The following GPHN variants were observed in gnomAD, a reference collection of about 807,000 sequenced individuals.
GPHN encodes the protein gephyrin.
A neutral mutation model predicts 95.5 loss-of-function variants in GPHN; 17 were observed. The observed-to-expected ratio is 0.18, with a 90% CI of 0.12 to 0.27. The LOEUF (loss-of-function observed/expected upper bound fraction) is 0.27. Among genes scored for constraint, GPHN ranks in the 10% least tolerant of loss-of-function variants. The pLI is 1.00. For missense variants in GPHN, 660 were observed against 978.1 expected (o/e 0.67, Z 4.34); for synonymous variants, 320 against 322.5 (o/e 0.99, Z 0.08).
At position 66,798,548 on chromosome 14, in the gene GPHN, A is replaced by G. The variant is rs144061463; in HGVS notation, c.201+22027A>G. Among the ~76,000 whole-genome samples the G allele has an allele frequency of 1.5e-3, 228 of 151,938 alleles. 1 individual carries two copies. The highest frequency in any genetic ancestry group is 5.1e-3 in the African/African-American group (213 of 41,534). ...ATGTTTCAACCATGTTAGGTTATACATATCTAGGAATTTGTCCATTTCTAC... is the reference window on the plus strand; with the variant it reads ...ATGTTTCAACCATGTTAGGTTATACGTATCTAGGAATTTGTCCATTTCTAC... On this transcript the variant is annotated intron_variant, in intron 3 of 22. Transcript: ENST00000478722.
chr14:67,688,096 C>T, the GPHN span, among the ~76,000 whole-genome samples: 47 of 152,102 alleles, frequency 3.1e-4, no homozygotes, highest in East Asian at 8.5e-3. Flanking sequence ...TCTATCAGTA[C>T]CTCTAATCCA....
At chr14:66,558,499 C>T (rs2060097241) in intron 1 of GPHN, among the ~76,000 whole-genome samples, 2 of 152,070 alleles carry the variant, frequency 1.3e-5, no homozygotes, top group South Asian at 2.1e-4. Context: ...TAATGATATT[C>T]ATCAAACCCC....
At chr14:67,144,286 T>TATATAC (rs1421893686) in intron 18 of GPHN, among the ~76,000 whole-genome samples, 1,149 of 78,092 alleles carry the variant, frequency 0.015, 212 homozygotes, top group African/African-American at 0.067. Flanking sequence ...TATATATATA[T>TATATAC]ACACACACAC....
intron 10 of GPHN, among the ~76,000 whole-genome samples, chr14:67,057,437 T>A (rs1369193441): frequency 6.8e-6 from 1 of 146,054 alleles, no homozygotes; most frequent in Non-Finnish European, 1.5e-5. Context: ...ACACACTGGG[T>A]CCTGTCAGAG....
At chr14:66,585,206 T>C (rs1222238635) in intron 1 of GPHN, among the ~76,000 whole-genome samples, 1 of 152,172 alleles carries the variant, frequency 6.6e-6, no homozygotes, top group Non-Finnish European at 1.5e-5. Context: ...CTGATGGTAG[T>C]TTGTATTTCT....
chr14:67,294,618 C>G, the GPHN span: 1 of 151,678 alleles, frequency 6.6e-6, no homozygotes, highest in Non-Finnish European at 1.5e-5. Context: ...TAGATTAAAT[C>G]TTTGATGATC....
chr14:67,332,257 A>G, the GPHN span, among the ~76,000 whole-genome samples: 2 of 152,150 alleles, frequency 1.3e-5, no homozygotes, highest in African/African-American at 2.4e-5. Flanking sequence ...TTCAGTCAGT[A>G]TTTTAAAGTA....
At chr14:67,379,639 T>G in the GPHN span, among the ~76,000 whole-genome samples, 1 of 146,042 alleles carries the variant, frequency 6.8e-6, no homozygotes, top group Non-Finnish European at 1.5e-5. Context: ...GACATAACTT[T>G]CTTTTTTTCT....
chr14:66,696,012 GATA>G (rs2068078382), intron 2 of GPHN, among the ~76,000 whole-genome samples: 1 of 152,200 alleles, frequency 6.6e-6, no homozygotes, highest in Admixed American at 6.5e-5. Flanking sequence ...GACTTTGGGT[GATA>G]ATGATGTGTC....
At chr14:67,263,562 A>G in the GPHN span, among the ~76,000 whole-genome samples, 1 of 152,224 alleles carries the variant, frequency 6.6e-6, no homozygotes, top group Admixed American at 6.5e-5. Flanking sequence ...CTCTTAGTAT[A>G]GGATAAGACT....
the GPHN span, chr14:67,473,108 G>A: frequency 2.7e-6 from 1 of 363,902 alleles, no homozygotes. The surrounding 1 kb of genome is among the most constrained non-coding windows in gnomAD (Gnocchi z 6.5). Context: ...GACAGGGCCT[G>A]CTGCTTCCAA....
the GPHN span, among the ~76,000 whole-genome samples, chr14:67,257,896 A>G: frequency 6.6e-6 from 1 of 152,186 alleles, no homozygotes; most frequent in Non-Finnish European, 1.5e-5. Context: ...GCAACACAAA[A>G]GTTGTATATT....
intron 19 of GPHN, among the ~76,000 whole-genome samples, chr14:67,161,730 G>C (rs1014872214): frequency 1.3e-5 from 2 of 152,202 alleles, no homozygotes; most frequent in East Asian, 1.9e-4. Context: ...TCCAGCCTGG[G>C]CAGCAGAGTA....
At chr14:67,639,045 TA>T in the GPHN span, among the ~76,000 whole-genome samples, 10,401 of 152,270 alleles carry the variant, frequency 0.068, 1,012 homozygotes, top group African/African-American at 0.21. Context: ...CAGAAGTTAG[TA>T]ACCCTTCTAG....
the GPHN span, among the ~76,000 whole-genome samples, chr14:67,461,225 C>A: frequency 6.6e-6 from 1 of 152,128 alleles, no homozygotes; most frequent in African/African-American, 2.4e-5. Context: ...ACAGTCATTG[C>A]CTCTTTTAAT....
At chr14:67,545,079 G>A in the GPHN span, among the ~76,000 whole-genome samples, 1 of 152,184 alleles carries the variant, frequency 6.6e-6, no homozygotes, top group African/African-American at 2.4e-5. Context: ...CCAGGCTGAT[G>A]TTTCTTTCTT....
the GPHN span, among the ~76,000 whole-genome samples, chr14:67,699,218 A>C: frequency 4.6e-4 from 70 of 151,754 alleles, 1 homozygote; most frequent in Non-Finnish European, 9.4e-4. Context: ...GCGCCATTGC[A>C]CTACAGCCTG....
chr14:66,798,347 G>A (rs1402568795), intron 3 of GPHN, among the ~76,000 whole-genome samples: 1 of 151,852 alleles, frequency 6.6e-6, no homozygotes, highest in Non-Finnish European at 1.5e-5. Flanking sequence ...GAATTTAGAA[G>A]TATTCCCTCG....
chr14:66,905,742 G>C (rs1202552755), intron 5 of GPHN, among the ~76,000 whole-genome samples: 1 of 151,998 alleles, frequency 6.6e-6, no homozygotes, highest in Non-Finnish European at 1.5e-5. Context: ...CTCATACCTT[G>C]GTAGTCCCCA....
Sources: allele counts gnomAD v4.1 joint callset (sites outside exome capture counted in the v4.1 genomes callset), GRCh38; gene constraint gnomAD v4.1.1; non-coding constraint Gnocchi (gnomAD v3.1); transcripts MANE v1.5; gene names NCBI Gene and HGNC (gene_info 2026-07-23, HGNC 2026-07-21).